SORBS2: variants seen among roughly 807,000 people sequenced by gnomAD.
The protein encoded by SORBS2 is sorbin and SH3 domain-containing protein 2.
Under a neutral mutation model 97.7 loss-of-function variants are expected in SORBS2, and 46 were observed. The observed-to-expected ratio is 0.47, with a 90% CI of 0.37 to 0.60. The LOEUF (loss-of-function observed/expected upper bound fraction) is 0.60, where lower values mean the gene tolerates loss of function less well. SORBS2 is among the 20% of genes least tolerant of loss of function. SORBS2 has a pLI of 0.00. For missense variants in SORBS2, 1,316 were observed against 1,282.3 expected (o/e 1.03, Z -0.40); for synonymous variants, 476 against 473.4 (o/e 1.01, Z -0.07).
At chr4:185,693,224 C>G (rs2098125004) in intron 2 of SORBS2, among the ~76,000 whole-genome samples, 1 of 152,196 alleles carries the variant, frequency 6.6e-6, no homozygotes, top group Non-Finnish European at 1.5e-5. Context: ...TGCAACTAAA[C>G]AGGCACATTT....
intron 2 of SORBS2, among the ~76,000 whole-genome samples, chr4:185,762,026 C>T (rs10024359): frequency 0.12 from 18,952 of 152,120 alleles, 1,509 homozygotes; most frequent in African/African-American, 0.2. Context: ...AGGGGTTACA[C>T]GGAAGGCAGA....
At chr4:185,892,993 A>G (rs1263934457) in intron 1 of SORBS2, among the ~76,000 whole-genome samples, 1 of 152,228 alleles carries the variant, frequency 6.6e-6, no homozygotes, top group Non-Finnish European at 1.5e-5. Flanking sequence ...CCTTGAAAAA[A>G]ACAAGAATAG....
chr4:185,814,651 A>G (rs1220379226), intron 1 of SORBS2, among the ~76,000 whole-genome samples: 1 of 151,992 alleles, frequency 6.6e-6, no homozygotes, highest in Non-Finnish European at 1.5e-5. Flanking sequence ...CCTCCCCTAT[A>G]CCTCCAATTC....
At chr4:185,900,571 A>G (rs2099247175) in intron 1 of SORBS2, among the ~76,000 whole-genome samples, 1 of 152,240 alleles carries the variant, frequency 6.6e-6, no homozygotes, top group South Asian at 2.1e-4. Context: ...AAAACCAAGA[A>G]CAGATGAAAA....
At chr4:185,627,068 G>A (rs1157206046) in intron 5 of SORBS2, 49 bp from the exon 18 acceptor site, 1 of 1,566,366 alleles carries the variant, frequency 6.4e-7, no homozygotes, top group South Asian at 1.1e-5. Context: ...GGAGGTTCGG[G>A]TGTGCACCAG....
intron 1 of SORBS2, among the ~76,000 whole-genome samples, chr4:185,832,683 A>C (rs1244600042): frequency 6.6e-6 from 1 of 152,226 alleles, no homozygotes; most frequent in East Asian, 1.9e-4. Flanking sequence ...GCACAGTTGT[A>C]ACTTTTTTCT....
chr4:185,906,046 T>A (rs2099250619), intron 1 of SORBS2, among the ~76,000 whole-genome samples: 1 of 152,172 alleles, frequency 6.6e-6, no homozygotes, highest in Admixed American at 6.5e-5. Flanking sequence ...CTCCCATTTT[T>A]TTTTTGAGAC....
chr4:185,842,451 A>G (rs2099212124), intron 1 of SORBS2, among the ~76,000 whole-genome samples: 1 of 152,138 alleles, frequency 6.6e-6, no homozygotes, highest in South Asian at 2.1e-4. Flanking sequence ...GGAGTTACCT[A>G]CCTGATCTCA....
At chr4:185,666,986 G>C (rs1451898118) in intron 4 of SORBS2, among the ~76,000 whole-genome samples, 1 of 152,210 alleles carries the variant, frequency 6.6e-6, no homozygotes, top group Non-Finnish European at 1.5e-5. Flanking sequence ...GCGAAGGGAT[G>C]CTCTGTAGGA....
chr4:185,625,897 G>A (rs748081508), intron 6 of SORBS2, among the ~76,000 whole-genome samples: 1 of 152,236 alleles, frequency 6.6e-6, no homozygotes, highest in Non-Finnish European at 1.5e-5. Context: ...GTTGATAGGT[G>A]TAGCTGAATT....
At chr4:185,629,560 A>ATTTTTTTTTTTTTTTTTTTTTTT (rs201590422) in intron 5 of SORBS2, among the ~76,000 whole-genome samples, 3 of 134,084 alleles carry the variant, frequency 2.2e-5, no homozygotes, top group Non-Finnish European at 3.1e-5. Context: ...GAATTTTGTG[A>ATTTTTTTTTTTTTTTTTTTTTTT]TTTGTTTTTT....
At chr4:185,773,257 C>T (rs1351438830) in intron 2 of SORBS2, 1 of 152,266 alleles carries the variant, frequency 6.6e-6, no homozygotes, top group East Asian at 1.9e-4. Flanking sequence ...AGACGCACCC[C>T]ATCCCCCCAA....
chr4:185,893,367 A>T (rs571936578), intron 1 of SORBS2, among the ~76,000 whole-genome samples: 2 of 152,308 alleles, frequency 1.3e-5, no homozygotes, highest in African/African-American at 4.8e-5. Flanking sequence ...GCTGGAGCAA[A>T]GGCTCTGGGA....
At chr4:185,895,427 G>A (rs1279050632) in intron 1 of SORBS2, among the ~76,000 whole-genome samples, 2 of 152,212 alleles carry the variant, frequency 1.3e-5, no homozygotes, top group African/African-American at 4.8e-5. Context: ...ATCTCCAGTG[G>A]GAATGAATAA....
At chr4:185,927,673 A>T (rs957180354) in intron 1 of SORBS2, among the ~76,000 whole-genome samples, 3 of 152,220 alleles carry the variant, frequency 2.0e-5, no homozygotes, top group African/African-American at 7.2e-5. Context: ...ATAAAAGCCC[A>T]ATTACTTCAA....
chr4:185,628,299 C>T (rs1321960721), intron 5 of SORBS2, among the ~76,000 whole-genome samples: 4 of 149,358 alleles, frequency 2.7e-5, no homozygotes, highest in African/African-American at 5.0e-5. Context: ...TGAATATATC[C>T]AGAGGGGCAT....
intron 1 of SORBS2, among the ~76,000 whole-genome samples, chr4:185,890,524 C>T (rs1272435768): frequency 6.6e-6 from 1 of 152,130 alleles, no homozygotes; most frequent in Non-Finnish European, 1.5e-5. Flanking sequence ...AGAGAGCCCA[C>T]AAGAGAATCT....
At chr4:185,694,791 C>G (rs1453878221) in intron 2 of SORBS2, among the ~76,000 whole-genome samples, 1 of 144,600 alleles carries the variant, frequency 6.9e-6, no homozygotes, top group African/African-American at 2.5e-5. Flanking sequence ...ACTACAACCT[C>G]CACCTCCTGG....
chr4:185,806,155 T>C (rs2099152570), intron 1 of SORBS2, among the ~76,000 whole-genome samples: 1 of 152,230 alleles, frequency 6.6e-6, no homozygotes, highest in Non-Finnish European at 1.5e-5. Context: ...ATGAAGCACA[T>C]TTCCACCAGC....
Sources: gnomAD v4.1 joint callset for allele counts (sites outside exome capture counted in the v4.1 genomes callset) on GRCh38, gnomAD v4.1.1 for gene constraint, MANE v1.5 for transcripts, NCBI Gene and HGNC (gene_info 2026-07-23, HGNC 2026-07-21) for gene names.